The following EYS variants were observed in gnomAD, a reference collection of about 807,000 sequenced individuals.
The protein encoded by EYS is protein eyes shut homolog.
In EYS, 250 loss-of-function variants were observed where a neutral mutation model predicts 282.1. The observed-to-expected ratio is 0.89, with a 90% CI of 0.80 to 0.98. The LOEUF is 0.98. Among genes scored for constraint, EYS ranks in the 50% least tolerant of loss-of-function variants. The probability of loss-of-function intolerance (pLI) is 0.00; values close to 1 mark genes in which losing one functional copy is unlikely to be tolerated. For synonymous variants in EYS, 1,355 were observed against 1,282.9 expected (o/e 1.06, Z -1.20); for missense variants, 4,016 against 3,709.0 (o/e 1.08, Z -2.15).
At chr6:64,522,703 T>A (rs1777784030) in intron 26 of EYS, among the ~76,000 whole-genome samples, 1 of 151,790 alleles carries the variant, frequency 6.6e-6, no homozygotes, top group Non-Finnish European at 1.5e-5. Flanking sequence ...CTGAGCTGAA[T>A]TACTGTTTTC....
At chr6:65,062,760 T>C (rs1326857176) in intron 12 of EYS, among the ~76,000 whole-genome samples, 1 of 152,014 alleles carries the variant, frequency 6.6e-6, no homozygotes, top group Non-Finnish European at 1.5e-5. Context: ...AACTCATTCT[T>C]ATCCAGTTTT....
intron 12 of EYS, among the ~76,000 whole-genome samples, chr6:65,248,731 G>GA (rs199666318): frequency 4.3e-4 from 64 of 149,736 alleles, no homozygotes; most frequent in Admixed American, 4.7e-4. Context: ...ATTCAAGGCA[G>GA]AAAAAAAAAT....
At chr6:64,797,530 G>A (rs995669773) in intron 22 of EYS, among the ~76,000 whole-genome samples, 1 of 151,510 alleles carries the variant, frequency 6.6e-6, no homozygotes, top group Admixed American at 6.6e-5. Context: ...TGATTAAAAG[G>A]GTATATTTAA....
chr6:64,664,779 T>TC (rs2149891267), intron 22 of EYS, among the ~76,000 whole-genome samples: 1 of 152,238 alleles, frequency 6.6e-6, no homozygotes, highest in South Asian at 2.1e-4. Context: ...AGAAAATGGG[T>TC]CCCCACCAGA....
chr6:64,713,540 C>T (rs938702787), intron 22 of EYS, among the ~76,000 whole-genome samples: 2 of 152,116 alleles, frequency 1.3e-5, no homozygotes, highest in African/African-American at 4.8e-5. Context: ...GAATTACTCA[C>T]CTAATATAGA....
chr6:63,807,605 T>C (rs543528421), intron 36 of EYS, among the ~76,000 whole-genome samples: 1 of 152,274 alleles, frequency 6.6e-6, no homozygotes, highest in Non-Finnish European at 1.5e-5. Flanking sequence ...AACTAAGATA[T>C]TTGTGTGAAG....
chr6:65,016,300 A>G (rs1424228883), intron 13 of EYS, among the ~76,000 whole-genome samples: 1 of 152,168 alleles, frequency 6.6e-6, no homozygotes, highest in Non-Finnish European at 1.5e-5. Flanking sequence ...TATCAAGTTC[A>G]TTATGATAAA....
intron 39 of EYS, 160 bp from the exon 40 acceptor site, chr6:63,778,340 T>C (rs1448422088): frequency 1.3e-6 from 1 of 753,100 alleles, no homozygotes; most frequent in Non-Finnish European, 2.1e-6. Context: ...CAGAGAAATT[T>C]TTTTTTAAAA....
At chr6:65,033,230 G>C (rs1262280345) in intron 13 of EYS, among the ~76,000 whole-genome samples, 1 of 152,164 alleles carries the variant, frequency 6.6e-6, no homozygotes, top group African/African-American at 2.4e-5. Context: ...GCAAACATAA[G>C]AGTTTGGAAA....
rs749194095 is a variant in EYS, at chr6:65,344,217, C to A, written c.1460-40G>T. On this transcript the variant is annotated intron_variant, in intron 9 of 42. Coordinates refer to ENST00000503581, the MANE Select transcript of EYS (RefSeq NM_001142800.2). Reference sequence around the variant, plus strand: ...AGATAAAAAATTAAATAAACTCTTACAAACTTGAATTCAGAATGAATTATT... The same window carrying A: ...AGATAAAAAATTAAATAAACTCTTAAAAACTTGAATTCAGAATGAATTATT... 6 of 1,493,044 alleles carry A rather than the reference C, an allele frequency of 4.0e-6. No homozygotes were observed. In the East Asian group the frequency reaches 1.2e-4, roughly 29 times the overall value. The allele number at this position is 1,493,044 out of a possible 1,614,324, so 92.5% of individuals were successfully genotyped here.
intron 31 of EYS, among the ~76,000 whole-genome samples, chr6:64,191,517 C>T (rs1765109242): frequency 6.7e-6 from 1 of 148,810 alleles, no homozygotes; most frequent in Non-Finnish European, 1.5e-5. Context: ...TGTGATGTTC[C>T]CCTTCCTGTG....
chr6:65,405,382 A>G lies in EYS; in HGVS notation c.863-15T>C, dbSNP rs368478214. Reference sequence around the variant, plus strand: ...ACAGAATGGACCTTAAAAAAATCACACACAAGAAAAAAAAAGAAAAGGAAG... The same window carrying G: ...ACAGAATGGACCTTAAAAAAATCACGCACAAGAAAAAAAAAGAAAAGGAAG... On this transcript the variant is annotated splice_polypyrimidine_tract_variant and intron_variant, in intron 5 of 42. Transcript: ENST00000503581. 3 of 1,547,856 alleles carry G rather than the reference A, an allele frequency of 1.9e-6. No individual in the cohort carries two copies. The highest frequency in any genetic ancestry group is 2.3e-5 in the South Asian group (2 of 87,258).
At chr6:63,976,037 A>G (rs937664654) in intron 35 of EYS, among the ~76,000 whole-genome samples, 4 of 152,026 alleles carry the variant, frequency 2.6e-5, no homozygotes, top group African/African-American at 9.7e-5. Flanking sequence ...ACTGTAGGCA[A>G]TTGTAACACA....
chr6:64,442,784 A>G (rs1387905050), intron 26 of EYS, among the ~76,000 whole-genome samples: 1 of 143,832 alleles, frequency 7.0e-6, no homozygotes, highest in African/African-American at 2.5e-5. Flanking sequence ...AAGAATTGAG[A>G]TTTGGGAACC....
At position 64,507,022 on chromosome 6, in the gene EYS, T is replaced by A. The variant is rs540341639; in HGVS notation, c.5645-67670A>T. Among the ~76,000 whole-genome samples the A allele has an allele frequency of 1.7e-3, 254 of 151,210 alleles. 2 individuals are homozygous for A. Among genetic ancestry groups the A allele is most frequent in the Middle Eastern group, 3.4e-3 (1 of 290 alleles). ...TCTCGCTCTGGAATATGAAAAATCT[T>A]TAGAATTTTATAAAAATCTGATACT... is the stretch of plus-strand genomic sequence containing the variant. On this transcript the variant is annotated intron_variant, in intron 26 of 42. Coordinates refer to ENST00000503581, the MANE Select transcript of EYS (RefSeq NM_001142800.2).
At chr6:64,011,994 C>T (rs553089604) in intron 33 of EYS, among the ~76,000 whole-genome samples, 1 of 129,990 alleles carries the variant, frequency 7.7e-6, no homozygotes, top group African/African-American at 3.4e-5. Context: ...AGTTTTTCCT[C>T]TCCTCTCCTC....
chr6:64,560,459 T>C (rs1765359851), intron 26 of EYS, among the ~76,000 whole-genome samples: 1 of 152,106 alleles, frequency 6.6e-6, no homozygotes, highest in African/African-American at 2.4e-5. Context: ...AAAAGTTCCA[T>C]TATGTATGAA....
At chr6:63,801,821 G>C (rs1293970828) in intron 37 of EYS, among the ~76,000 whole-genome samples, 2 of 152,166 alleles carry the variant, frequency 1.3e-5, no homozygotes, top group East Asian at 1.9e-4. Flanking sequence ...GTTCAGCTTT[G>C]AAAGACTCAG....
In EYS at chr6:65,033,457, G is replaced by A. The variant is rs891178329; in HGVS notation, c.2137+24157C>T. On this transcript the variant is annotated intron_variant, in intron 13 of 42. Coordinates refer to ENST00000503581, the MANE Select transcript of EYS (RefSeq NM_001142800.2). ...CCAGGAGGCCTAGGAGGACAGAATC[G>A]TTTCATAGGCCGGTCACAAGGCCCT... is the stretch of plus-strand genomic sequence containing the variant. 9.2e-5 allele frequency among the ~76,000 whole-genome samples: 14 copies of A among 152,120 alleles called. No homozygotes were observed. In the East Asian group the frequency reaches 1.2e-3, roughly 13 times the overall value.
Sources: gnomAD v4.1 joint callset for allele counts (sites outside exome capture counted in the v4.1 genomes callset) on GRCh38, gnomAD v4.1.1 for gene constraint, MANE v1.5 for transcripts, NCBI Gene and HGNC (gene_info 2026-07-23, HGNC 2026-07-21) for gene names.